ZNF329: variants seen among roughly 807,000 people sequenced by gnomAD.
The protein encoded by ZNF329 is zinc finger protein 329.
In ZNF329, 15 loss-of-function variants were observed where a neutral mutation model predicts 26.6. That is an observed-to-expected ratio of 0.56 (90% CI 0.38 to 0.87). ZNF329 has a LOEUF of 0.87. ZNF329 is among the 40% of genes least tolerant of loss of function. The pLI is 0.00. For synonymous variants in ZNF329, 239 were observed against 233.5 expected, an observed-to-expected ratio of 1.02 and a Z score of -0.21; for missense variants, 651 against 651.9, an observed-to-expected ratio of 1.00 and a Z score of 0.02.
intron 3 of ZNF329, among the ~76,000 whole-genome samples, chr19:58,139,838 A>G (rs567963212): frequency 6.6e-6 from 1 of 152,206 alleles, no homozygotes; most frequent in Non-Finnish European, 1.5e-5. Context: ...ATGCCACTTT[A>G]CACTCACTAG....
chr19:58,128,188 A>G lies in ZNF329; in HGVS notation c.1316T>C (p.Ile439Thr). ...CCTCTGGTGCCTAATGAGGCCAGCGATATTCCTGAAAAGTTTCTGACACTG... is the reference window on the plus strand; with the variant it reads ...CCTCTGGTGCCTAATGAGGCCAGCGGTATTCCTGAAAAGTTTCTGACACTG... ...CNQCQKLFRNIAGLIRHQRTH... is the reference protein window; with the variant it reads ...CNQCQKLFRNTAGLIRHQRTH... Residue 439 changes from isoleucine (I) to threonine (T), a missense_variant, in exon 4 of 4, where the codon ATC (isoleucine) becomes ACC (threonine). Ile to Thr is a moderately conservative substitution (Grantham distance 89). Coordinates refer to ENST00000598312, the MANE Select transcript of ZNF329 (RefSeq NM_024620.4). The G allele has an allele frequency of 6.3e-7, 1 of 1,587,106 alleles. No homozygotes were observed. The highest frequency in any genetic ancestry group is 8.6e-7 in the Non-Finnish European group (1 of 1,167,604).
intron 3 of ZNF329, among the ~76,000 whole-genome samples, chr19:58,131,119 A>ATGTGTGTGTGTGTGTGTGTGTGTGTG (rs144702980): frequency 6.7e-6 from 1 of 150,056 alleles, no homozygotes; most frequent in African/African-American, 2.5e-5. Flanking sequence ...ATATGTGTAT[A>ATGTGTGTGTGTGTGTGTGTGTGTGTG]TGTGTGTGTG....
intron 1 of ZNF329, among the ~76,000 whole-genome samples, chr19:58,147,773 G>A (rs571142568): frequency 0.096 from 1,301 of 13,504 alleles, 131 homozygotes; most frequent in African/African-American, 0.28. Flanking sequence ...GGAGGTGGGG[G>A]GGGTCAGCCC....
Position 58,128,531 on chromosome 19 carries a change from T to G in ZNF329, c.973A>C (p.Thr325Pro). The change falls in exon 4 of 4, where the codon ACT (threonine) becomes CCT (proline). Residue 325 changes from threonine to proline, a missense_variant. Thr to Pro is a conservative substitution (Grantham distance 38). Transcript: ENST00000598312. ...YRCNECGKPF[T>P]DISHLTVHLR... is the part of the protein sequence containing the mutation. ...TGCACTGTAAGGTGGGAGATGTCAGTGAAGGGTTTCCCACATTCGTTACAT... is the reference window on the plus strand; with the variant it reads ...TGCACTGTAAGGTGGGAGATGTCAGGGAAGGGTTTCCCACATTCGTTACAT... The G allele has an allele frequency of 6.2e-7, 1 of 1,614,132 alleles. No individual in the cohort carries two copies. Among genetic ancestry groups the G allele is most frequent in the Non-Finnish European group, 8.5e-7 (1 of 1,180,012 alleles).
At chr19:58,146,888 T>C (rs1257726947) in intron 1 of ZNF329, among the ~76,000 whole-genome samples, 5 of 151,750 alleles carry the variant, frequency 3.3e-5, no homozygotes, top group African/African-American at 1.2e-4. Context: ...AGTGGCGTGA[T>C]CTTGGCTTGC....
rs1225119562 is a variant in ZNF329 at position 58,127,137 on chromosome 19, T to C, written c.*741A>G. 2.6e-5 allele frequency: 4 copies of C among 152,216 alleles called. No homozygotes were observed. Among genetic ancestry groups the C allele is most frequent in the Non-Finnish European group, 5.9e-5 (4 of 68,052 alleles). The allele number at this position is 152,216 out of a possible 1,614,324, so 9.4% of individuals were successfully genotyped here. A position where few individuals can be genotyped will look rare whatever the true frequency, so the allele number is the denominator to read the frequency against. On this transcript the variant is annotated 3_prime_UTR_variant, in exon 4 of 4. Transcript: ENST00000598312. Reference sequence around the variant, plus strand: ...GTACAGCACTGTGTGGACTCTCTCATTGTACACCTTTGTTGTTACAGAAAA... The same window carrying C: ...GTACAGCACTGTGTGGACTCTCTCACTGTACACCTTTGTTGTTACAGAAAA...
At chr19:58,148,337 G>A in intron 1 of ZNF329, among the ~76,000 whole-genome samples, 1 of 142,540 alleles carries the variant, frequency 7.0e-6, no homozygotes, top group African/African-American at 2.7e-5. Flanking sequence ...CTCCACTATT[G>A]TCCTATGACC....
chr19:58,136,487 A>G (rs2075068978), intron 3 of ZNF329, among the ~76,000 whole-genome samples: 1 of 151,834 alleles, frequency 6.6e-6, no homozygotes, highest in South Asian at 2.1e-4. Flanking sequence ...CAGCCTGATT[A>G]TCATAGTAAG....
rs186710679 is a variant in ZNF329 at position 58,138,119 on chromosome 19, T to C, written c.-9+4438A>G. 2.3e-3 allele frequency among the ~76,000 whole-genome samples: 354 copies of C among 152,318 alleles called. 1 individual carries two copies. The highest frequency in any genetic ancestry group is 7.0e-3 in the African/African-American group (292 of 41,566). On this transcript the variant is annotated intron_variant, in intron 3 of 3. Coordinates refer to ENST00000598312, the MANE Select transcript of ZNF329 (RefSeq NM_024620.4). ...CTAGGAATGTAAGGACTAGGAAACA[T>C]TGGAACATCTATTAACACAATTCCC... is the stretch of plus-strand genomic sequence containing the variant.
chr19:58,140,548 G>A (rs1329873752), intron 3 of ZNF329, among the ~76,000 whole-genome samples: 2 of 151,728 alleles, frequency 1.3e-5, no homozygotes, highest in Admixed American at 6.6e-5. Flanking sequence ...GAGTAGCTGG[G>A]ACTACAGGTG....
In ZNF329 at chr19:58,128,525, T is replaced by G; in HGVS notation, c.979A>C (p.Ile327Leu). The stretch of plus-strand genomic sequence containing the variant: ...CTGAGATGCACTGTAAGGTGGGAGA[T>G]GTCAGTGAAGGGTTTCCCACATTCG... ...CNECGKPFTDISHLTVHLRIH... is the reference protein window; with the variant it reads ...CNECGKPFTDLSHLTVHLRIH... The change falls in exon 4 of 4, where the codon ATC becomes CTC. Residue 327 changes from isoleucine to leucine, a missense_variant. Physicochemically the swap from Ile to Leu is conservative, Grantham distance 5. Coordinates refer to ENST00000598312, the MANE Select transcript of ZNF329 (RefSeq NM_024620.4). 1.9e-6 allele frequency: 3 copies of G among 1,614,146 alleles called. No homozygotes were observed. Among genetic ancestry groups the G allele is most frequent in the Non-Finnish European group, 2.5e-6 (3 of 1,180,004 alleles).
rs536577815 is a variant in ZNF329, at chr19:58,143,148, G to A, written c.-157C>T. 6 of 152,422 alleles carry A rather than the reference G, an allele frequency of 3.9e-5. No homozygotes were observed. The highest frequency in any genetic ancestry group is 7.3e-5 in the Non-Finnish European group (5 of 68,136). 9.4% of individuals were successfully genotyped at this position (152,422 alleles called of 1,614,324 possible). On this transcript the variant is annotated 5_prime_UTR_variant, in exon 2 of 4. Transcript: ENST00000598312. The stretch of plus-strand genomic sequence containing the variant: ...GGTAGCCCAGGAGCTCAAGGCTGCA[G>A]TGAGCTGTGATCGTGCCACTGCACT...
intron 3 of ZNF329, among the ~76,000 whole-genome samples, chr19:58,142,064 T>C (rs2075202134): frequency 6.6e-6 from 1 of 151,830 alleles, no homozygotes; most frequent in Non-Finnish European, 1.5e-5. Flanking sequence ...ATCTCAAAAA[T>C]AAAATAAAAT....
Position 58,128,462 on chromosome 19 carries a change from A to T in ZNF329, c.1042T>A (p.Cys348Ser), listed in dbSNP as rs2074853404. 6.2e-7 allele frequency: 1 copy of T among 1,613,144 alleles called. No homozygotes were observed. Among genetic ancestry groups the T allele is most frequent in the South Asian group, 1.1e-5 (1 of 91,032 alleles). ...TGEKPYECSK[C>S]GKAFRDGSYL... ...GAGCCGTCCCGGAAAGCCTTTCCAC[A>T]TTTGCTACACTCATAGGGCTTCTCA... Residue 348 changes from cysteine to serine, a missense_variant, in exon 4 of 4, where the codon TGT becomes AGT. Coordinates refer to ENST00000598312, the MANE Select transcript of ZNF329 (RefSeq NM_024620.4).
upstream of ZNF329, among the ~76,000 whole-genome samples, chr19:58,151,907 A>G (rs2075461747): frequency 6.6e-6 from 1 of 152,186 alleles, no homozygotes; most frequent in Non-Finnish European, 1.5e-5. Flanking sequence ...TGAAAATCTG[A>G]CTACATGTTA....
chr19:58,145,772 A>G (rs1400184431), intron 1 of ZNF329, among the ~76,000 whole-genome samples: 2 of 152,170 alleles, frequency 1.3e-5, no homozygotes. Context: ...TACAGAGGGG[A>G]AAAAGCGGAG....
Position 58,127,795 on chromosome 19 carries a change from G to T in ZNF329, c.*83C>A. 2.3e-6 allele frequency: 3 copies of T among 1,299,642 alleles called. No homozygotes were observed. Among genetic ancestry groups the T allele is most frequent in the South Asian group, 1.4e-5 (1 of 68,988 alleles). The allele number at this position is 1,299,642 out of a possible 1,614,324, so 80.5% of individuals were successfully genotyped here. The stretch of plus-strand genomic sequence containing the variant: ...ATAGCTTAAAGGATTCTTTTCTACT[G>T]ACCAGAGAGGAGTCAGATCTAAGAC... On this transcript the variant is annotated 3_prime_UTR_variant, in exon 4 of 4. Transcript: ENST00000598312.
chr19:58,140,030 G>A (rs781101978), intron 3 of ZNF329, among the ~76,000 whole-genome samples: 1 of 152,140 alleles, frequency 6.6e-6, no homozygotes, highest in Admixed American at 6.6e-5. Context: ...CCACTGCTAC[G>A]GTTTGGATAT....
Position 58,129,386 on chromosome 19 carries a change from A to C in ZNF329, c.118T>G (p.Cys40Gly). ...CLSSLGDGWD[C>G]ENQEGHLRQS... ...CTCAAGTGTCCCTCCTGGTTCTCAC[A>C]GTCCCAACCATCACCTAAACTGGAC... Residue 40 changes from cysteine to glycine, a missense_variant, in exon 4 of 4, where the codon TGT (cysteine) becomes GGT (glycine). Cys to Gly is a radical substitution (Grantham distance 159, BLOSUM62 -3). Transcript: ENST00000598312. 1 of 1,614,222 alleles carries C rather than the reference A, an allele frequency of 6.2e-7. No homozygotes were observed. The highest frequency in any genetic ancestry group is 8.5e-7 in the Non-Finnish European group (1 of 1,180,038).
Sources: allele counts gnomAD v4.1 joint callset (sites outside exome capture counted in the v4.1 genomes callset), GRCh38; gene constraint gnomAD v4.1.1; transcripts MANE v1.5; gene names NCBI Gene and HGNC (gene_info 2026-07-23, HGNC 2026-07-21).